KIAA1217: variants seen among roughly 807,000 people sequenced by gnomAD.
KIAA1217 encodes sickle tail protein homolog.
In KIAA1217, 88 loss-of-function variants were observed where a neutral mutation model predicts 163.9. The observed-to-expected ratio is 0.54, with a 90% CI of 0.45 to 0.64. KIAA1217 has a LOEUF of 0.64. Among genes scored for constraint, KIAA1217 ranks in the 30% least tolerant of loss-of-function variants. The probability of loss-of-function intolerance (pLI) is 0.00; values close to 1 mark genes in which losing one functional copy is unlikely to be tolerated. For synonymous variants in KIAA1217, 903 were observed against 923.1 expected, an observed-to-expected ratio of 0.98 and a Z score of 0.39; for missense variants, 2,372 against 2,475.0, an observed-to-expected ratio of 0.96 and a Z score of 0.88.
intron 1 of KIAA1217, among the ~76,000 whole-genome samples, chr10:23,776,830 A>C (rs145683438): frequency 0.019 from 2,939 of 151,756 alleles, 38 homozygotes; most frequent in Middle Eastern, 0.075. Flanking sequence ...ACAGGAGTGC[A>C]CCACCACACC....
Position 23,706,737 on chromosome 10 carries a change from GAGTGTCAGGATAAA to G in KIAA1217, c.-321+11508_-321+11521del, listed in dbSNP as rs1043494135. Among the ~76,000 whole-genome samples the G allele has an allele frequency of 1.3e-5, 2 of 152,148 alleles. 1 individual carries two copies. The highest frequency in any genetic ancestry group is 4.8e-5 in the African/African-American group (2 of 41,430). The stretch of plus-strand genomic sequence containing the variant: ...TTCTTGTGATATTTTTGTCTGGTTT[GAGTGTCAGGATAAA>G]AGTGACTTTCTCCTTCTATTTTTCA... On this transcript the variant is annotated intron_variant, in intron 1 of 18. Coordinates refer to the KIAA1217 transcript ENST00000376462.
At chr10:24,356,448 G>T (rs940011880) in intron 2 of KIAA1217, among the ~76,000 whole-genome samples, 1 of 152,158 alleles carries the variant, frequency 6.6e-6, no homozygotes, top group Non-Finnish European at 1.5e-5. Flanking sequence ...ATTAGTCTAG[G>T]CCTTCCTTGA....
chr10:24,392,137 G>T (rs1388691677), intron 3 of KIAA1217, among the ~76,000 whole-genome samples: 10 of 152,068 alleles, frequency 6.6e-5, no homozygotes, highest in Non-Finnish European at 1.5e-4. Flanking sequence ...AGATAAAGAT[G>T]ATGGCTGTAA....
chr10:24,162,302 G>T (rs1006477990), intron 2 of KIAA1217, among the ~76,000 whole-genome samples: 5 of 152,216 alleles, frequency 3.3e-5, no homozygotes, highest in Non-Finnish European at 5.9e-5. Context: ...GCCATGCTTT[G>T]TATTCACTAC....
At chr10:23,731,939 C>T (rs2130789644) in intron 1 of KIAA1217, among the ~76,000 whole-genome samples, 1 of 152,088 alleles carries the variant, frequency 6.6e-6, no homozygotes, top group Admixed American at 6.5e-5. Flanking sequence ...GCCTTGCATA[C>T]CTGGGATAAA....
intron 1 of KIAA1217, among the ~76,000 whole-genome samples, chr10:23,697,735 G>A (rs1212808215): frequency 6.6e-6 from 1 of 151,380 alleles, no homozygotes; most frequent in Non-Finnish European, 1.5e-5. Context: ...AAAATTAGCT[G>A]GCATGGTGAT....
intron 1 of KIAA1217, among the ~76,000 whole-genome samples, chr10:23,750,843 C>T (rs532948097): frequency 1.4e-4 from 21 of 152,248 alleles, no homozygotes; most frequent in African/African-American, 4.1e-4. Flanking sequence ...TGGTCAAGTA[C>T]TTTCTAGCTA....
chr10:23,780,767 G>T (rs1332478024), intron 1 of KIAA1217, among the ~76,000 whole-genome samples: 1 of 152,048 alleles, frequency 6.6e-6, no homozygotes, highest in African/African-American at 2.4e-5. Flanking sequence ...CGCAACCTCC[G>T]CCTCCCAGGT....
intron 3 of KIAA1217, among the ~76,000 whole-genome samples, chr10:24,420,239 A>G (rs1264487310): frequency 6.6e-6 from 1 of 152,170 alleles, no homozygotes; most frequent in East Asian, 1.9e-4. Flanking sequence ...ACTTTTCTCT[A>G]TGTGACGAGA....
intron 9 of KIAA1217, among the ~76,000 whole-genome samples, chr10:24,507,084 GAGA>G (rs1208204812): frequency 2.0e-5 from 3 of 152,268 alleles, no homozygotes; most frequent in Admixed American, 6.5e-5. Context: ...GTAGAGATCG[GAGA>G]AGGACTGTGC....
chr10:24,265,653 C>T (rs2076164319), intron 2 of KIAA1217, among the ~76,000 whole-genome samples: 1 of 152,138 alleles, frequency 6.6e-6, no homozygotes, highest in Non-Finnish European at 1.5e-5. Flanking sequence ...CTCTCTCCTT[C>T]TTCTCTTTTT....
At chr10:24,384,431 T>C (rs2053737977) in intron 3 of KIAA1217, among the ~76,000 whole-genome samples, 1 of 152,116 alleles carries the variant, frequency 6.6e-6, no homozygotes, top group South Asian at 2.1e-4. Context: ...GTGGTACGTT[T>C]GTTACGATCA....
intron 1 of KIAA1217, among the ~76,000 whole-genome samples, chr10:23,745,107 C>T (rs1293931471): frequency 6.6e-6 from 1 of 152,196 alleles, no homozygotes; most frequent in East Asian, 1.9e-4. Context: ...TCACAGCCTC[C>T]AAAGACTGAC....
intron 2 of KIAA1217, among the ~76,000 whole-genome samples, chr10:24,068,772 C>G (rs932520983): frequency 6.6e-6 from 1 of 152,220 alleles, no homozygotes; most frequent in African/African-American, 2.4e-5. Flanking sequence ...TCCCTCAGCA[C>G]CCAGAGAGGT....
chr10:24,385,598 G>T (rs1439643187), intron 3 of KIAA1217, among the ~76,000 whole-genome samples: 1 of 152,168 alleles, frequency 6.6e-6, no homozygotes, highest in Admixed American at 6.5e-5. Context: ...GGGTTCAGCA[G>T]CACTGACTTA....
At chr10:24,545,752 T>C in intron 20 of KIAA1217, 75 bp from the exon 21 acceptor site, 2 of 1,525,468 alleles carry the variant, frequency 1.3e-6, no homozygotes, top group Admixed American at 2.2e-5. Context: ...TCAGAAGGGC[T>C]GTGTTGCCAG....
intron 2 of KIAA1217, among the ~76,000 whole-genome samples, chr10:24,091,579 A>C (rs141850496): frequency 3.3e-5 from 5 of 151,668 alleles, no homozygotes; most frequent in African/African-American, 1.2e-4. Flanking sequence ...CTTGTCCCCA[A>C]CTCCTGTACC....
At chr10:23,719,415 T>C (rs11013658) in intron 1 of KIAA1217, among the ~76,000 whole-genome samples, 21,415 of 151,944 alleles carry the variant, frequency 0.14, 1,872 homozygotes, top group Middle Eastern at 0.18. Context: ...ACGCTATCTC[T>C]ACAAAAAATA....
intron 1 of KIAA1217, among the ~76,000 whole-genome samples, chr10:23,933,185 G>A (rs934869275): frequency 6.6e-6 from 1 of 152,200 alleles, no homozygotes; most frequent in Non-Finnish European, 1.5e-5. Context: ...CCAGCTTTAC[G>A]TCTTCCCTGC....
Sources: allele counts gnomAD v4.1 joint callset (sites outside exome capture counted in the v4.1 genomes callset), GRCh38; gene constraint gnomAD v4.1.1; transcripts MANE v1.5; gene names NCBI Gene and HGNC (gene_info 2026-07-23, HGNC 2026-07-21).